The following KCND2 variants were observed in gnomAD, a reference collection of about 807,000 sequenced individuals.
KCND2 encodes potassium voltage-gated channel subfamily D member 2, also known as A-type voltage-gated potassium channel KCND2.
KCND2 carries 16 observed loss-of-function variants against 54.4 expected under a neutral mutation model. The observed-to-expected ratio is 0.29, with a 90% CI of 0.20 to 0.45. The LOEUF is 0.45. KCND2 is among the 20% of genes least tolerant of loss of function. The pLI, the probability that KCND2 is intolerant of heterozygous loss-of-function variation, is 1.00. For missense variants in KCND2, 486 were observed against 824.2 expected (o/e 0.59, Z 5.02); for synonymous variants, 317 against 310.7 (o/e 1.02, Z -0.21).
chr7:120,574,801 A>T (rs974486489), intron 1 of KCND2, among the ~76,000 whole-genome samples: 1 of 152,160 alleles, frequency 6.6e-6, no homozygotes, highest in Admixed American at 6.5e-5. Context: ...CTTTTGCAAC[A>T]TCAACAAAAC....
chr7:120,346,172 T>C (rs1800313055), intron 1 of KCND2, among the ~76,000 whole-genome samples: 1 of 152,188 alleles, frequency 6.6e-6, no homozygotes. Flanking sequence ...CCTTTGGCCA[T>C]TTTTTAATTG....
chr7:120,598,752 C>A (rs1311191473), intron 1 of KCND2, among the ~76,000 whole-genome samples: 4 of 152,086 alleles, frequency 2.6e-5, no homozygotes, highest in Non-Finnish European at 5.9e-5. Flanking sequence ...CAAATGTTTT[C>A]TCCCAATCTG....
At chr7:120,275,981 C>A (rs550698564) in intron 1 of KCND2, among the ~76,000 whole-genome samples, 3 of 151,760 alleles carry the variant, frequency 2.0e-5, no homozygotes, top group Non-Finnish European at 4.4e-5. Flanking sequence ...GATAAAGATA[C>A]AAAGAAATTT....
At chr7:120,365,051 A>G (rs962281325) in intron 1 of KCND2, among the ~76,000 whole-genome samples, 5 of 152,056 alleles carry the variant, frequency 3.3e-5, no homozygotes, top group African/African-American at 1.2e-4. Flanking sequence ...GCATTTAAAG[A>G]CATTAATAAC....
At chr7:120,313,647 G>A (rs1799771709) in intron 1 of KCND2, among the ~76,000 whole-genome samples, 1 of 151,834 alleles carries the variant, frequency 6.6e-6, no homozygotes, top group East Asian at 1.9e-4. Context: ...CTGCCTTGTT[G>A]GTAGTTTCCA....
chr7:120,352,746 T>G (rs1291949606), intron 1 of KCND2, among the ~76,000 whole-genome samples: 2 of 152,122 alleles, frequency 1.3e-5, no homozygotes, highest in African/African-American at 4.8e-5. Flanking sequence ...TTAGGTAGGA[T>G]TTTTAAAAAT....
intron 1 of KCND2, among the ~76,000 whole-genome samples, chr7:120,338,221 T>C (rs1158743729): frequency 6.6e-6 from 1 of 152,148 alleles, no homozygotes; most frequent in African/African-American, 2.4e-5. Flanking sequence ...TCAAAACAAC[T>C]AAAATATGAA....
intron 1 of KCND2, among the ~76,000 whole-genome samples, chr7:120,413,525 A>G (rs1430677203): frequency 1.3e-5 from 2 of 152,026 alleles, no homozygotes; most frequent in African/African-American, 2.4e-5. Context: ...ACTTATGTAT[A>G]CACATACATA....
chr7:120,476,388 C>G (rs1435839890), intron 1 of KCND2, among the ~76,000 whole-genome samples: 1 of 152,178 alleles, frequency 6.6e-6, no homozygotes, highest in Non-Finnish European at 1.5e-5. Flanking sequence ...TGTTTTTGTT[C>G]AGTATCATAA....
Position 120,578,968 on chromosome 7 carries a change from A to G in KCND2, c.1116-153935A>G, listed in dbSNP as rs980631029. Among the ~76,000 whole-genome samples, 126 of 152,096 alleles carry G rather than the reference A, an allele frequency of 8.3e-4. 1 individual carries two copies. The highest frequency in any genetic ancestry group is 3.0e-3 in the African/African-American group (124 of 41,516). On this transcript the variant is annotated intron_variant, in intron 1 of 5. Coordinates refer to ENST00000331113, the MANE Select transcript of KCND2 (RefSeq NM_012281.3). ...CACACAAAGAAAAAAGAAATAAAGA[A>G]ATAAAGTTTGTAAAGATATAGATTT...
chr7:120,367,364 T>TA (rs988831986), intron 1 of KCND2, among the ~76,000 whole-genome samples: 14 of 151,990 alleles, frequency 9.2e-5, no homozygotes, highest in Admixed American at 5.9e-4. Context: ...CTGTTTCCTT[T>TA]AAAAAAAGAC....
chr7:120,425,151 T>C (rs1272782144), intron 1 of KCND2, among the ~76,000 whole-genome samples: 1 of 152,124 alleles, frequency 6.6e-6, no homozygotes, highest in Non-Finnish European at 1.5e-5. Context: ...CACTGCTATG[T>C]TTATATTTAT....
rs970232055 is a variant in KCND2, at chr7:120,367,186, G to A, written c.1115+91439G>A. Among the ~76,000 whole-genome samples the A allele has an allele frequency of 3.3e-5, 5 of 152,228 alleles. No individual in the cohort carries two copies. In the South Asian group the frequency reaches 8.3e-4, roughly 25 times the overall value. ...GAAACCTGGAATCCATGGGAGTAAA[G>A]GAACTTGTTTAAGGACAAAAGACAA... On this transcript the variant is annotated intron_variant, in intron 1 of 5. Transcript: ENST00000331113.
At chr7:120,707,817 CTACTGAT>C (rs1792488709) in intron 1 of KCND2, among the ~76,000 whole-genome samples, 1 of 152,004 alleles carries the variant, frequency 6.6e-6, no homozygotes, top group African/African-American at 2.4e-5. Flanking sequence ...TACAGGAGAA[CTACTGAT>C]AAGGTAGGCG....
chr7:120,674,980 C>T (rs1792039915), intron 1 of KCND2, among the ~76,000 whole-genome samples: 2 of 151,570 alleles, frequency 1.3e-5, no homozygotes, highest in African/African-American at 2.4e-5. Context: ...TTACTATTCA[C>T]TAAAATTTCA....
chr7:120,401,491 C>T (rs1332223870), intron 1 of KCND2, among the ~76,000 whole-genome samples: 3 of 152,106 alleles, frequency 2.0e-5, no homozygotes, highest in African/African-American at 7.2e-5. Context: ...GCCAGTTCTA[C>T]TAAATCAGTA....
chr7:120,586,505 G>C (rs1411674443), intron 1 of KCND2, among the ~76,000 whole-genome samples: 1 of 152,106 alleles, frequency 6.6e-6, no homozygotes, highest in Non-Finnish European at 1.5e-5. Flanking sequence ...TTCTGTAATT[G>C]ATCTTGCATC....
intron 1 of KCND2, among the ~76,000 whole-genome samples, chr7:120,567,689 T>C (rs1487492419): frequency 6.6e-6 from 1 of 152,170 alleles, no homozygotes. Context: ...CCTGACATGA[T>C]AATTATGCAG....
intron 1 of KCND2, among the ~76,000 whole-genome samples, chr7:120,602,177 A>G (rs533731818): frequency 9.2e-5 from 14 of 152,226 alleles, no homozygotes; most frequent in Non-Finnish European, 1.6e-4. Flanking sequence ...AAATTTCAAC[A>G]TTCTCTACAT....
Sources: allele counts gnomAD v4.1 joint callset (sites outside exome capture counted in the v4.1 genomes callset), GRCh38; gene constraint gnomAD v4.1.1; transcripts MANE v1.5; gene names NCBI Gene and HGNC (gene_info 2026-07-23, HGNC 2026-07-21).